Variants in ITGA8 observed in about 807,000 individuals in gnomAD.
ITGA8 encodes the protein integrin alpha-8.
In ITGA8, 91 loss-of-function variants were observed where a neutral mutation model predicts 142.3. The ratio of observed to expected loss-of-function variants is 0.64; its 90% CI spans 0.54 to 0.76. The LOEUF (loss-of-function observed/expected upper bound fraction) is 0.76, where lower values mean the gene tolerates loss of function less well. ITGA8 is among the 30% of genes least tolerant of loss of function. The pLI is 0.00. For missense variants in ITGA8, 1,406 were observed against 1,327.7 expected, an observed-to-expected ratio of 1.06 and a Z score of -0.92; for synonymous variants, 505 against 485.2, an observed-to-expected ratio of 1.04 and a Z score of -0.54.
chr10:15,649,002 G>C lies in ITGA8; in HGVS notation c.1002-1951C>G, dbSNP rs571680396. On this transcript the variant is annotated intron_variant, in intron 11 of 29. Transcript: ENST00000378076. Reference sequence around the variant, plus strand: ...GGGTATCCTGGACCAGGGAGAGGCTGGGTGCTTGGAGGGAACTAAGGAAGG... The same window carrying C: ...GGGTATCCTGGACCAGGGAGAGGCTCGGTGCTTGGAGGGAACTAAGGAAGG... 1.3e-3 allele frequency among the ~76,000 whole-genome samples: 194 copies of C among 152,270 alleles called. 1 individual carries two copies. Among genetic ancestry groups the C allele is most frequent in the African/African-American group, 4.5e-3 (188 of 41,562 alleles).
chr10:15,696,992 G>A (rs1835064614), intron 2 of ITGA8, among the ~76,000 whole-genome samples: 1 of 151,512 alleles, frequency 6.6e-6, no homozygotes, highest in Non-Finnish European at 1.5e-5. Context: ...CTAAGTGACA[G>A]AGTAAGAGTA....
At chr10:15,645,713 C>T (rs899355498) in intron 12 of ITGA8, among the ~76,000 whole-genome samples, 2 of 152,156 alleles carry the variant, frequency 1.3e-5, no homozygotes, top group African/African-American at 4.8e-5. Context: ...CCTGTTACTT[C>T]CTTGAGTTCA....
At chr10:15,532,431 A>AAAAAAAAAGC (rs1554769477) in intron 27 of ITGA8, among the ~76,000 whole-genome samples, 2 of 139,064 alleles carry the variant, frequency 1.4e-5, no homozygotes, top group Non-Finnish European at 3.1e-5. Context: ...AAAAAAAAAA[A>AAAAAAAAAGC]AAAAAAAAAA....
At chr10:15,589,917 C>G (rs534114295) in intron 22 of ITGA8, among the ~76,000 whole-genome samples, 2 of 152,136 alleles carry the variant, frequency 1.3e-5, no homozygotes, top group Admixed American at 1.3e-4. Flanking sequence ...CGTGCACCAC[C>G]ACACCCAGCT....
chr10:15,608,358 C>G, intron 15 of ITGA8, 68 bp from the exon 16 acceptor site: 1 of 884,414 alleles, frequency 1.1e-6, no homozygotes. Context: ...CTTCCTTTAC[C>G]TAATCCCAGA....
chr10:15,694,165 C>T (rs1834987235), intron 2 of ITGA8, among the ~76,000 whole-genome samples: 1 of 141,046 alleles, frequency 7.1e-6, no homozygotes, highest in South Asian at 2.2e-4. Flanking sequence ...GATAATATAT[C>T]ATATATCAGA....
chr10:15,694,322 T>A (rs375099157), intron 2 of ITGA8, among the ~76,000 whole-genome samples: 168 of 11,716 alleles, frequency 0.014, no homozygotes, highest in Non-Finnish European at 0.045. Context: ...ATCATATATA[T>A]GATAATATAT....
At chr10:15,594,968 G>A (rs1277965997) in intron 21 of ITGA8, among the ~76,000 whole-genome samples, 1 of 152,146 alleles carries the variant, frequency 6.6e-6, no homozygotes, top group Non-Finnish European at 1.5e-5. Context: ...AGGTGCATGT[G>A]TCCTTAACTA....
At chr10:15,645,276 T>C (rs1833959700) in intron 12 of ITGA8, among the ~76,000 whole-genome samples, 1 of 152,104 alleles carries the variant, frequency 6.6e-6, no homozygotes, top group Non-Finnish European at 1.5e-5. Flanking sequence ...TTTACCTACT[T>C]TGTATACTCA....
intron 2 of ITGA8, among the ~76,000 whole-genome samples, chr10:15,710,414 C>T (rs967177084): frequency 9.2e-5 from 14 of 152,146 alleles, no homozygotes; most frequent in Non-Finnish European, 1.9e-4. Flanking sequence ...TAGTGTTGTG[C>T]CCCTTTTCTT....
intron 10 of ITGA8, among the ~76,000 whole-genome samples, chr10:15,657,398 A>T (rs1446554421): frequency 1.3e-5 from 2 of 152,196 alleles, no homozygotes; most frequent in Non-Finnish European, 2.9e-5. Context: ...GAGATATAAA[A>T]TGCTTCGCTG....
At chr10:15,671,541 A>C in intron 8 of ITGA8, 62 bp downstream of exon 8, 1 of 1,363,094 alleles carries the variant, frequency 7.3e-7, no homozygotes, top group South Asian at 1.2e-5. Context: ...AAAAAACTTT[A>C]TATGCCATTT....
chr10:15,697,757 C>G (rs927565890), intron 2 of ITGA8, among the ~76,000 whole-genome samples: 46 of 152,120 alleles, frequency 3.0e-4, no homozygotes, highest in Admixed American at 2.7e-3. Flanking sequence ...ATATATCCAG[C>G]CATTTAAAAA....
intron 2 of ITGA8, among the ~76,000 whole-genome samples, chr10:15,709,636 C>T (rs544758844): frequency 2.0e-5 from 3 of 152,216 alleles, no homozygotes; most frequent in African/African-American, 4.8e-5. Context: ...TTCTTTCCTA[C>T]GGGCTCTTAT....
intron 12 of ITGA8, among the ~76,000 whole-genome samples, chr10:15,644,437 TATATATATATATATATA>T (rs1410177866): frequency 0.017 from 3 of 176 alleles, no homozygotes; most frequent in Non-Finnish European, 0.027. Flanking sequence ...CAGGCTAATA[TATATATATATATATATA>T]TATATATATA....
chr10:15,561,096 C>G (rs1833965655), intron 25 of ITGA8, among the ~76,000 whole-genome samples: 1 of 151,406 alleles, frequency 6.6e-6, no homozygotes, highest in Non-Finnish European at 1.5e-5. Context: ...TGCTATGTTG[C>G]CAAGGCTGGT....
chr10:15,667,071 T>A (rs1472443686), intron 8 of ITGA8, among the ~76,000 whole-genome samples: 1 of 152,202 alleles, frequency 6.6e-6, no homozygotes, highest in Non-Finnish European at 1.5e-5. Context: ...TTCTATTGAT[T>A]GGAATAGTTT....
At chr10:15,645,708 T>TA (rs1833969805) in intron 12 of ITGA8, among the ~76,000 whole-genome samples, 1 of 152,258 alleles carries the variant, frequency 6.6e-6, no homozygotes, top group Non-Finnish European at 1.5e-5. Flanking sequence ...AAGTTCCTGT[T>TA]ACTTCCTTGA....
intron 12 of ITGA8, among the ~76,000 whole-genome samples, chr10:15,645,113 A>AG (rs946450807): frequency 2.0e-5 from 3 of 151,322 alleles, no homozygotes; most frequent in African/African-American, 7.3e-5. Context: ...AAAAAAAAAA[A>AG]AAAAGATGAT....
Sources: allele counts gnomAD v4.1 joint callset (sites outside exome capture counted in the v4.1 genomes callset), GRCh38; gene constraint gnomAD v4.1.1; transcripts MANE v1.5; gene names NCBI Gene and HGNC (gene_info 2026-07-23, HGNC 2026-07-21).